IPO11: variants seen among roughly 807,000 people sequenced by gnomAD.
IPO11 encodes importin-11.
IPO11 carries 66 observed loss-of-function variants against 143.2 expected under a neutral mutation model. The observed-to-expected ratio is 0.46, with a 90% confidence interval of 0.38 to 0.57. The LOEUF is 0.57. IPO11 is among the 20% of genes least tolerant of loss of function. IPO11 has a pLI of 0.00. For missense variants in IPO11, 1,026 were observed against 1,141.0 expected (o/e 0.90, Z 1.45); for synonymous variants, 385 against 377.8 (o/e 1.02, Z -0.22).
intron 25 of IPO11, among the ~76,000 whole-genome samples, chr5:62,550,955 CAA>C (rs34222825): frequency 1.4e-4 from 11 of 76,988 alleles, no homozygotes; most frequent in Admixed American, 1.4e-4. Context: ...AACTCCATCT[CAA>C]AAAAAAAAAA....
chr5:62,466,747 A>G (rs1580212072), intron 5 of IPO11, among the ~76,000 whole-genome samples: 1 of 152,372 alleles, frequency 6.6e-6, no homozygotes, highest in Admixed American at 6.5e-5. Context: ...ATCTTCATAT[A>G]TTGATTTATC....
chr5:62,537,233 TC>T lies in IPO11; in HGVS notation c.2196del (p.Cys734ValfsTer4). 6.2e-7 allele frequency: 1 copy of T among 1,606,612 alleles called. No individual in the cohort carries two copies. Among genetic ancestry groups the T allele is most frequent in the Non-Finnish European group, 8.5e-7 (1 of 1,174,248 alleles). The part of the protein sequence containing the change: ...LQTYAVGLCQ[S>X]FCELLKEITT... ...GACATACGCAGTAGGTCTATGCCAGTCCTTTTGTGAACTTTTAAAGGAAATT... is the reference window on the plus strand; with the variant it reads ...GACATACGCAGTAGGTCTATGCCAGTCTTTTGTGAACTTTTAAAGGAAATT... On this transcript the variant is annotated frameshift_variant, in exon 24 of 30. Coordinates refer to ENST00000325324, the MANE Select transcript of IPO11 (RefSeq NM_016338.5). LOFTEE classifies it high-confidence loss of function.
chr5:62,438,916 A>G (rs941528926), intron 2 of IPO11, among the ~76,000 whole-genome samples: 18 of 151,966 alleles, frequency 1.2e-4, no homozygotes, highest in Non-Finnish European at 2.4e-4. Context: ...AAAATTAGCC[A>G]GGCATGGTGG....
intron 2 of IPO11, among the ~76,000 whole-genome samples, chr5:62,440,963 C>CA (rs991999963): frequency 0.021 from 2,988 of 142,580 alleles, 92 homozygotes; most frequent in African/African-American, 0.068. Context: ...GACTCCATCT[C>CA]AAAAAAAAAA....
chr5:62,524,542 T>C (rs564673375), intron 20 of IPO11, among the ~76,000 whole-genome samples: 2 of 152,224 alleles, frequency 1.3e-5, no homozygotes, highest in Admixed American at 6.5e-5. Context: ...GAGAGTGAAA[T>C]TGAAGTGAGT....
chr5:62,572,927 A>C (rs531553437), intron 27 of IPO11, among the ~76,000 whole-genome samples: 16 of 152,244 alleles, frequency 1.1e-4, no homozygotes, highest in Non-Finnish European at 1.8e-4. Context: ...GTCACTGCAC[A>C]TTGTTCATTT....
chr5:62,448,722 T>G (rs368464332), intron 3 of IPO11, among the ~76,000 whole-genome samples: 2 of 152,026 alleles, frequency 1.3e-5, no homozygotes, highest in Admixed American at 6.6e-5. Flanking sequence ...TGCTAATGTT[T>G]TTTAGTTCTA....
At chr5:62,416,826 G>T (rs1743311792) in intron 1 of IPO11, among the ~76,000 whole-genome samples, 1 of 151,540 alleles carries the variant, frequency 6.6e-6, no homozygotes, top group Admixed American at 6.6e-5. Flanking sequence ...CCAGGCTCAA[G>T]CGATCCCTCC....
At chr5:62,474,076 G>A (rs1415521971) in intron 7 of IPO11, among the ~76,000 whole-genome samples, 2 of 152,188 alleles carry the variant, frequency 1.3e-5, no homozygotes, top group African/African-American at 2.4e-5. Context: ...GACAAGTGCA[G>A]TATTTCAAGG....
At chr5:62,589,871 C>T (rs534166899) in intron 27 of IPO11, among the ~76,000 whole-genome samples, 5 of 152,208 alleles carry the variant, frequency 3.3e-5, no homozygotes, top group African/African-American at 9.6e-5. Context: ...AGCTGCATTG[C>T]GGTAGGCTGA....
At chr5:62,449,122 C>G (rs915902082) in intron 3 of IPO11, among the ~76,000 whole-genome samples, 6 of 152,110 alleles carry the variant, frequency 3.9e-5, no homozygotes, top group Non-Finnish European at 5.9e-5. Flanking sequence ...CAGCCTTGAC[C>G]TCTTGGGCTC....
chr5:62,481,607 A>G (rs984442346), intron 9 of IPO11, among the ~76,000 whole-genome samples: 1 of 152,164 alleles, frequency 6.6e-6, no homozygotes, highest in East Asian at 1.9e-4. Context: ...CCAGGAATGA[A>G]GCCCACTTGA....
intron 1 of IPO11, among the ~76,000 whole-genome samples, chr5:62,431,363 G>A (rs1020792056): frequency 1.0e-5 from 1 of 99,810 alleles, no homozygotes; most frequent in African/African-American, 4.0e-5. Context: ...CTAATTGTGC[G>A]CTTGCTTAGA....
intron 20 of IPO11, among the ~76,000 whole-genome samples, chr5:62,515,947 G>A (rs977749699): frequency 2.6e-5 from 4 of 152,304 alleles, no homozygotes; most frequent in Non-Finnish European, 1.5e-5. Flanking sequence ...ACATTTTGAC[G>A]TTTGAGGTGT....
chr5:62,604,365 T>A (rs183618377), intron 29 of IPO11, among the ~76,000 whole-genome samples: 37 of 152,034 alleles, frequency 2.4e-4, no homozygotes, highest in African/African-American at 8.9e-4. Context: ...TGTGCCACCA[T>A]GTCTGGCTAA....
chr5:62,599,714 T>TA (rs1240216772), intron 28 of IPO11, among the ~76,000 whole-genome samples: 1 of 152,232 alleles, frequency 6.6e-6, no homozygotes, highest in African/African-American at 2.4e-5. Flanking sequence ...AGTGGCCACT[T>TA]ATATTCACGT....
chr5:62,457,964 C>T (rs1316785043), intron 5 of IPO11, among the ~76,000 whole-genome samples: 2 of 151,812 alleles, frequency 1.3e-5, no homozygotes, highest in Non-Finnish European at 2.9e-5. Flanking sequence ...CTGGCTAACA[C>T]GGTGAAACCC....
chr5:62,441,512 T>A (rs1744476029), intron 2 of IPO11, among the ~76,000 whole-genome samples: 1 of 101,178 alleles, frequency 9.9e-6, no homozygotes, highest in African/African-American at 4.0e-5. Flanking sequence ...TTTTTTTTTT[T>A]TTTTTTTTTT....
chr5:62,462,621 C>G (rs1371295325), intron 5 of IPO11, among the ~76,000 whole-genome samples: 2 of 152,128 alleles, frequency 1.3e-5, no homozygotes, highest in Admixed American at 1.3e-4. Flanking sequence ...ACCTCAAGCT[C>G]CTGGGCTCAA....
Sources: gnomAD v4.1 joint callset for allele counts (sites outside exome capture counted in the v4.1 genomes callset) on GRCh38, gnomAD v4.1.1 for gene constraint, MANE v1.5 for transcripts, NCBI Gene and HGNC (gene_info 2026-07-23, HGNC 2026-07-21) for gene names.